GRIA3: variants seen among roughly 807,000 people sequenced by gnomAD.
The protein encoded by GRIA3 is glutamate ionotropic receptor AMPA type subunit 3.
GRIA3 carries 3 observed loss-of-function variants against 63.0 expected under a neutral mutation model. That is an observed-to-expected ratio of 0.05 (90% confidence interval 0.02 to 0.12). The LOEUF (loss-of-function observed/expected upper bound fraction) is 0.12. Among genes scored for constraint, GRIA3 ranks in the 10% least tolerant of loss-of-function variants. GRIA3 has a pLI of 1.00. For synonymous variants in GRIA3, 274 were observed against 257.9 expected, an observed-to-expected ratio of 1.06 and a Z score of -0.60; for missense variants, 347 against 700.9, an observed-to-expected ratio of 0.50 and a Z score of 5.70.
At chrX:123,352,607 T>C (rs2045103913) in intron 4 of GRIA3, among the ~76,000 whole-genome samples, 1 of 112,029 alleles carries the variant, frequency 8.9e-6, no homozygotes, top group Admixed American at 9.5e-5. Flanking sequence ...CACTAAACTC[T>C]GCCTCTGATG....
intron 5 of GRIA3, among the ~76,000 whole-genome samples, chrX:123,369,716 CT>C (rs1487988006): frequency 2.7e-5 from 3 of 112,269 alleles, no homozygotes; most frequent in Non-Finnish European, 5.6e-5. Flanking sequence ...TATTCTTTAC[CT>C]TTTTCTTTGA....
intron 6 of GRIA3, among the ~76,000 whole-genome samples, chrX:123,396,877 T>G (rs2147379985): frequency 8.9e-6 from 1 of 112,366 alleles, no homozygotes; most frequent in East Asian, 2.8e-4. Context: ...CTTTATGATC[T>G]TTAGATTTAC....
intron 3 of GRIA3, among the ~76,000 whole-genome samples, chrX:123,285,320 C>T (rs2044610862): frequency 9.1e-6 from 1 of 110,494 alleles, no homozygotes. Context: ...AGACCATTGA[C>T]ACTATGCAGA....
intron 3 of GRIA3, among the ~76,000 whole-genome samples, chrX:123,286,125 T>G (rs189419069): frequency 1.0e-4 from 11 of 107,496 alleles, no homozygotes; most frequent in Admixed American, 9.3e-4. Flanking sequence ...CACTCAAAAC[T>G]GCGCGACTAC....
intron 3 of GRIA3, among the ~76,000 whole-genome samples, chrX:123,308,768 G>A (rs1291428517): frequency 1.8e-5 from 2 of 111,867 alleles, no homozygotes; most frequent in Non-Finnish European, 3.8e-5. Context: ...GGTTCTGGAT[G>A]GCTGCTGCCG....
At chrX:123,336,380 A>G (rs1251631065) in intron 4 of GRIA3, among the ~76,000 whole-genome samples, 1 of 111,756 alleles carries the variant, frequency 8.9e-6, no homozygotes, top group Non-Finnish European at 1.9e-5. Flanking sequence ...CCAAGCCACC[A>G]CCTGGCTCGT....
At chrX:123,416,124 A>C (rs2045535512) in intron 10 of GRIA3, among the ~76,000 whole-genome samples, 1 of 111,911 alleles carries the variant, frequency 8.9e-6, no homozygotes, top group Admixed American at 9.5e-5. Context: ...TAGTAAGTGT[A>C]ATGTGCTTAG....
intron 13 of GRIA3, among the ~76,000 whole-genome samples, chrX:123,478,480 ACCTC>A (rs2045896928): frequency 8.9e-6 from 1 of 111,805 alleles, no homozygotes; most frequent in African/African-American, 3.3e-5. Context: ...CAAGAAAGTT[ACCTC>A]CCTGATATTA....
At position 123,194,136 on chromosome X, in the gene GRIA3, T is replaced by C. The variant is rs145406945; in HGVS notation, c.268+8146T>C. Among the ~76,000 whole-genome samples the C allele has an allele frequency of 7.1e-3, 784 of 111,140 alleles. 3 individuals are homozygous for C. The highest frequency in any genetic ancestry group is 0.017 in the South Asian group (45 of 2,575). ...TAGTGGGCCTGCTGCCTGTTCTGTG[T>C]GTGGTGTTTGCTGCAATAGGTGATT... On this transcript the variant is annotated intron_variant, in intron 2 of 15. Coordinates refer to ENST00000620443, the MANE Select transcript of GRIA3 (RefSeq NM_007325.5).
chrX:123,360,377 G>A (rs1157028576), intron 5 of GRIA3, among the ~76,000 whole-genome samples: 1 of 109,425 alleles, frequency 9.1e-6, no homozygotes, highest in East Asian at 2.9e-4. Flanking sequence ...GATAAAAAGG[G>A]CTTTTAAAAA....
intron 5 of GRIA3, among the ~76,000 whole-genome samples, chrX:123,384,373 C>A (rs76949085): frequency 0.033 from 3,686 of 112,288 alleles, 117 homozygotes; most frequent in African/African-American, 0.1. Context: ...GCCTGTATTC[C>A]CAGCACTTTG....
intron 14 of GRIA3, among the ~76,000 whole-genome samples, chrX:123,480,784 T>C (rs1394641832): frequency 8.9e-6 from 1 of 111,748 alleles, no homozygotes; most frequent in African/African-American, 3.3e-5. Context: ...AAAGGTGTCA[T>C]TTGAATCTCT....
At chrX:123,222,597 G>A (rs1273786625) in intron 2 of GRIA3, among the ~76,000 whole-genome samples, 1 of 111,882 alleles carries the variant, frequency 8.9e-6, no homozygotes, top group Admixed American at 9.4e-5. Flanking sequence ...AAGTTTTCAT[G>A]AGAATTACCT....
intron 1 of GRIA3, among the ~76,000 whole-genome samples, 181 bp from the exon 2 acceptor site, chrX:123,185,651 A>G (rs1927250547): frequency 1.8e-5 from 2 of 110,688 alleles, no homozygotes; most frequent in African/African-American, 6.6e-5. Context: ...TAGAAAAGCC[A>G]GGTTTCTCTT....
intron 2 of GRIA3, among the ~76,000 whole-genome samples, chrX:123,203,278 CA>C (rs1480683732): frequency 3.6e-5 from 4 of 111,502 alleles, no homozygotes; most frequent in African/African-American, 1.3e-4. Context: ...TTAAATTCTT[CA>C]ATACATGTAA....
At chrX:123,423,857 T>A (rs2045576285) in intron 11 of GRIA3, among the ~76,000 whole-genome samples, 3 of 112,074 alleles carry the variant, frequency 2.7e-5, no homozygotes. Context: ...TCATAAAATA[T>A]ATTTTATTAT....
chrX:123,356,975 G>A (rs2045137798), intron 5 of GRIA3, among the ~76,000 whole-genome samples: 1 of 111,752 alleles, frequency 8.9e-6, no homozygotes, highest in African/African-American at 3.3e-5. Flanking sequence ...ACATAAGTAG[G>A]CAGGGAGAGC....
At chrX:123,482,615 G>T (rs1360623062) in intron 14 of GRIA3, 184 bp from the exon 15 acceptor site, 13 of 500,835 alleles carry the variant, frequency 2.6e-5, no homozygotes, top group Non-Finnish European at 3.1e-5. Context: ...GTTAACAGAG[G>T]CACAATCTAC....
At chrX:123,266,153 A>G (rs1381858938) in intron 3 of GRIA3, among the ~76,000 whole-genome samples, 1 of 112,022 alleles carries the variant, frequency 8.9e-6, no homozygotes, top group East Asian at 2.8e-4. Flanking sequence ...TAAAAGATAA[A>G]GCAGTTTTGC....
Sources: allele counts gnomAD v4.1 joint callset (sites outside exome capture counted in the v4.1 genomes callset), GRCh38; gene constraint gnomAD v4.1.1; transcripts MANE v1.5; gene names NCBI Gene and HGNC (gene_info 2026-07-23, HGNC 2026-07-21).